FAM193A: variants seen among roughly 807,000 people sequenced by gnomAD.
The protein encoded by FAM193A is family with sequence similarity 193 member A.
A neutral mutation model predicts 126.5 loss-of-function variants in FAM193A; 22 were observed. The observed-to-expected ratio is 0.17, with a 90% CI of 0.12 to 0.25. The LOEUF is 0.25. Ranked by LOEUF, FAM193A falls within the 10% of genes least tolerant of loss-of-function variation. The pLI is 1.00. For missense variants in FAM193A, 1,675 were observed against 1,672.8 expected (o/e 1.00, Z -0.02); for synonymous variants, 761 against 646.8 (o/e 1.18, Z -2.68).
chr4:2,622,545 G>A (rs531497278), intron 2 of FAM193A, among the ~76,000 whole-genome samples: 1 of 152,150 alleles, frequency 6.6e-6, no homozygotes, highest in Non-Finnish European at 1.5e-5. Flanking sequence ...CTTGTTGGTG[G>A]CGGGGGTGCT....
chr4:2,690,986 T>A lies in FAM193A; in HGVS notation c.2803+16T>A. On this transcript the variant is annotated intron_variant, in intron 15 of 20. Coordinates refer to ENST00000637812, the MANE Select transcript of FAM193A (RefSeq NM_001366318.2). Reference sequence around the variant, plus strand: ...CCTTCAGTAGGTAAGGCTTGAAGGCTCACTGGCCCTCGGGGTCTGCAGGAA... The same window carrying A: ...CCTTCAGTAGGTAAGGCTTGAAGGCACACTGGCCCTCGGGGTCTGCAGGAA... The A allele has an allele frequency of 6.2e-7, 1 of 1,602,312 alleles. No individual in the cohort carries two copies. The highest frequency in any genetic ancestry group is 8.5e-7 in the Non-Finnish European group (1 of 1,172,566).
rs1460663379 is a variant in FAM193A at position 2,710,244 on chromosome 4, G to A, written c.4373-5779G>A. On this transcript the variant is annotated intron_variant, in intron 19 of 20. Coordinates refer to ENST00000637812, the MANE Select transcript of FAM193A (RefSeq NM_001366318.2). The stretch of plus-strand genomic sequence containing the variant: ...GGCTGGCGTGCAGTGGCGTGTTCTC[G>A]GCTCACTGCAGCCTCCACCTCCCGG... Among the ~76,000 whole-genome samples the A allele has an allele frequency of 1.5e-5, 2 of 136,082 alleles. 1 individual carries two copies. Among genetic ancestry groups the A allele is most frequent in the East Asian group, 4.4e-4 (2 of 4,592 alleles). The allele number at this position is 136,082 out of a possible 152,430, so 89.3% of individuals were successfully genotyped here.
chr4:2,685,340 T>G (rs1715613697), intron 13 of FAM193A, among the ~76,000 whole-genome samples: 1 of 152,224 alleles, frequency 6.6e-6, no homozygotes, highest in Admixed American at 6.5e-5. Flanking sequence ...GGAAACGCAT[T>G]TAATACAGTT....
chr4:2,592,855 C>A (rs1424668464), intron 1 of FAM193A, among the ~76,000 whole-genome samples: 1 of 152,174 alleles, frequency 6.6e-6, no homozygotes, highest in African/African-American at 2.4e-5. Context: ...TGGGCTAGCA[C>A]CCTGGAAGTG....
In FAM193A at chr4:2,552,045, T is replaced by C. The variant is rs1485609297; in HGVS notation, c.255+14875T>C. Among the ~76,000 whole-genome samples the C allele has an allele frequency of 6.4e-5, 9 of 140,488 alleles. No homozygotes were observed. The Admixed American group carries it at 7.0e-4, about 11-fold the overall frequency. The allele number at this position is 140,488 out of a possible 152,430, so 92.2% of individuals were successfully genotyped here. On this transcript the variant is annotated intron_variant, in intron 1 of 20. Coordinates refer to ENST00000637812, the MANE Select transcript of FAM193A (RefSeq NM_001366318.2). ...TTTTTTTTTCGAGACAGAGTCTTGC[T>C]CTGTCGCCCAGCCTGGAGTGCAGTG...
At chr4:2,639,138 C>T (rs963183877) in intron 5 of FAM193A, among the ~76,000 whole-genome samples, 1 of 152,180 alleles carries the variant, frequency 6.6e-6, no homozygotes, top group Non-Finnish European at 1.5e-5. Flanking sequence ...GCTTGCTGTA[C>T]ATCTCTGCTG....
intron 1 of FAM193A, among the ~76,000 whole-genome samples, chr4:2,571,372 G>C (rs112766896): frequency 1.2e-4 from 19 of 152,272 alleles, no homozygotes; most frequent in African/African-American, 4.3e-4. Context: ...GCAGCTCGGA[G>C]ACTGGTACTT....
chr4:2,708,088 GTTAT>G (rs908640011), intron 19 of FAM193A: 25 of 435,992 alleles, frequency 5.7e-5, no homozygotes, highest in East Asian at 1.6e-4. Flanking sequence ...GCCCTAACTG[GTTAT>G]TTATTTGTGT....
At chr4:2,664,821 C>A (rs1174988108) in intron 12 of FAM193A, among the ~76,000 whole-genome samples, 1 of 152,064 alleles carries the variant, frequency 6.6e-6, no homozygotes, top group Non-Finnish European at 1.5e-5. Context: ...TGTTGGCCTC[C>A]CAAAGTCCTG....
chr4:2,601,025 C>T (rs941625072), intron 2 of FAM193A, among the ~76,000 whole-genome samples: 4 of 152,152 alleles, frequency 2.6e-5, no homozygotes, highest in African/African-American at 9.7e-5. Flanking sequence ...GAGGCTGAGG[C>T]AGGAGGGTCG....
chr4:2,664,561 T>TC (rs1359511527), intron 12 of FAM193A, among the ~76,000 whole-genome samples: 99 of 118,178 alleles, frequency 8.4e-4, no homozygotes, highest in African/African-American at 2.2e-3. Flanking sequence ...TTTCTTTCTT[T>TC]TTTTTTTTTT....
At chr4:2,539,897 G>A (rs1027191484) in intron 1 of FAM193A, among the ~76,000 whole-genome samples, 2 of 151,738 alleles carry the variant, frequency 1.3e-5, no homozygotes, top group Admixed American at 6.6e-5. Context: ...TCAGGAGTTC[G>A]AAACCAGCCT....
In FAM193A at chr4:2,575,158, G is replaced by A. The variant is rs576662661; in HGVS notation, c.256-20926G>A. Among the ~76,000 whole-genome samples the A allele has an allele frequency of 3.3e-5, 5 of 152,270 alleles. No individual in the cohort carries two copies. The East Asian group carries it at 5.8e-4, about 18-fold the overall frequency. On this transcript the variant is annotated intron_variant, in intron 1 of 20. Transcript: ENST00000637812. ...AGCAAGCTTCAGGGCGAAGGTGGCC[G>A]CGACACTTGCCAAGTGAGATGTCAG...
chr4:2,713,029 T>TGGGA (rs1438812232), intron 19 of FAM193A, among the ~76,000 whole-genome samples: 6 of 134,410 alleles, frequency 4.5e-5, no homozygotes, highest in Non-Finnish European at 9.6e-5. Context: ...TGCTTGAACC[T>TGGGA]GGGAGGTGGA....
At chr4:2,539,896 C>G (rs186589558) in intron 1 of FAM193A, among the ~76,000 whole-genome samples, 1 of 151,270 alleles carries the variant, frequency 6.6e-6, no homozygotes, top group Non-Finnish European at 1.5e-5. Flanking sequence ...GTCAGGAGTT[C>G]GAAACCAGCC....
At chr4:2,688,809 A>C in intron 13 of FAM193A, among the ~76,000 whole-genome samples, 1 of 152,252 alleles carries the variant, frequency 6.6e-6, no homozygotes, top group East Asian at 1.9e-4. Flanking sequence ...TGTTGCCTGG[A>C]TAGTGGCTGA....
At chr4:2,575,062 G>C (rs897517578) in intron 1 of FAM193A, among the ~76,000 whole-genome samples, 2 of 152,160 alleles carry the variant, frequency 1.3e-5, no homozygotes, top group Non-Finnish European at 2.9e-5. Context: ...CCCAGGCCTT[G>C]GGTTAAAGGC....
chr4:2,568,761 T>C (rs986606654), intron 1 of FAM193A, among the ~76,000 whole-genome samples: 4 of 152,170 alleles, frequency 2.6e-5, no homozygotes, highest in African/African-American at 9.7e-5. Flanking sequence ...TTAGTAACGA[T>C]TGCTTGAATG....
chr4:2,609,330 G>A (rs1022945104), intron 2 of FAM193A, among the ~76,000 whole-genome samples: 8 of 152,092 alleles, frequency 5.3e-5, no homozygotes, highest in Non-Finnish European at 1.0e-4. Flanking sequence ...TGGGAGATAC[G>A]GTGAGGGGAT....
Sources: allele counts gnomAD v4.1 joint callset (sites outside exome capture counted in the v4.1 genomes callset), GRCh38; gene constraint gnomAD v4.1.1; transcripts MANE v1.5; gene names NCBI Gene and HGNC (gene_info 2026-07-23, HGNC 2026-07-21).